IREB2: variants seen among roughly 807,000 people sequenced by gnomAD.
The protein encoded by IREB2 is iron responsive element binding protein 2.
Under a neutral mutation model 118.8 loss-of-function variants are expected in IREB2, and 39 were observed. The ratio of observed to expected loss-of-function variants is 0.33; its 90% CI spans 0.25 to 0.43. IREB2 has a LOEUF of 0.43. Among genes scored for constraint, IREB2 ranks in the 20% least tolerant of loss-of-function variants. IREB2 has a pLI of 1.00. For synonymous variants in IREB2, 372 were observed against 392.2 expected (o/e 0.95, Z 0.61); for missense variants, 900 against 1,147.3 (o/e 0.78, Z 3.11).
At chr15:78,490,357 A>G (rs113255945) in intron 16 of IREB2, 65 bp from the exon 17 acceptor site, 2 of 990,664 alleles carry the variant, frequency 2.0e-6, no homozygotes, top group Non-Finnish European at 3.1e-6. Context: ...GATCATTTTC[A>G]TGCGCCTCTT....
intron 20 of IREB2, 24 bp from the exon 21 acceptor site, chr15:78,497,102 G>T (rs766787066): frequency 1.3e-6 from 2 of 1,580,512 alleles, no homozygotes; most frequent in Non-Finnish European, 1.7e-6. Flanking sequence ...TGATTAGAGG[G>T]AATAAAATGC....
chr15:78,495,465 C>G (rs1752106805), intron 20 of IREB2, among the ~76,000 whole-genome samples: 1 of 152,032 alleles, frequency 6.6e-6, no homozygotes, highest in South Asian at 2.1e-4. Flanking sequence ...GTTACTGGGC[C>G]TTACTATAGG....
chr15:78,457,810 A>C (rs143287315), intron 2 of IREB2, among the ~76,000 whole-genome samples: 28 of 152,232 alleles, frequency 1.8e-4, no homozygotes, highest in Non-Finnish European at 3.2e-4. Context: ...TTGTTTTTCC[A>C]TAATAATTAT....
chr15:78,463,044 G>C lies in IREB2; in HGVS notation c.229G>C (p.Glu77Gln). The change falls in exon 3 of 22, where the codon GAA becomes CAA. Residue 77 changes from glutamate to glutamine, a missense_variant. Coordinates refer to ENST00000258886, the MANE Select transcript of IREB2 (RefSeq NM_004136.4). Reference sequence around the variant, plus strand: ...CTGGAAAACCAAACAAAGCAATGTTGAAGTGCCCTTTTTCCCTGCCCGTGT... The same window carrying C: ...CTGGAAAACCAAACAAAGCAATGTTCAAGTGCCCTTTTTCCCTGCCCGTGT... Reference protein sequence around the residue: ...LDWKTKQSNVEVPFFPARVLL... With the variant: ...LDWKTKQSNVQVPFFPARVLL... The C allele has an allele frequency of 6.2e-7, 1 of 1,609,822 alleles. No homozygotes were observed. The highest frequency in any genetic ancestry group is 8.5e-7 in the Non-Finnish European group (1 of 1,178,982).
rs555227502 is a variant in IREB2 at position 78,496,890 on chromosome 15, G to T, written c.2596-236G>T. Among the ~76,000 whole-genome samples, 21 of 152,284 alleles carry T rather than the reference G, an allele frequency of 1.4e-4. 1 individual carries two copies. The highest frequency in any genetic ancestry group is 2.4e-4 in the Non-Finnish European group (16 of 68,028). ...TCTTATGATGTGGTAGGCAGCGGCA[G>T]TACTTAACCCTAGAGCAGCAGAAAG... is the stretch of plus-strand genomic sequence containing the variant. On this transcript the variant is annotated intron_variant, in intron 20 of 21. Coordinates refer to ENST00000258886, the MANE Select transcript of IREB2 (RefSeq NM_004136.4).
chr15:78,490,869 G>T, intron 18 of IREB2, 108 bp downstream of exon 18: 15 of 959,486 alleles, frequency 1.6e-5, no homozygotes, highest in African/African-American at 3.3e-5. Context: ...GCTATCGTAG[G>T]TAATCTGACT....
Position 78,499,348 on chromosome 15 carries a change from A to C in IREB2, c.*1205A>C, listed in dbSNP as rs2051898409. On this transcript the variant is annotated 3_prime_UTR_variant, in exon 22 of 22. Coordinates refer to ENST00000258886, the MANE Select transcript of IREB2 (RefSeq NM_004136.4). ...TTTTTTTAAAAAGGTTGGAAAATTA[A>C]TTATAGAAGGTTCTATACTGTTTTT... 6.6e-6 allele frequency: 1 copy of C among 152,204 alleles called. No individual in the cohort carries two copies. The highest frequency in any genetic ancestry group is 2.4e-5 in the African/African-American group (1 of 41,450). 9.4% of individuals were successfully genotyped at this position (152,204 alleles called of 1,614,324 possible). A position where few individuals can be genotyped will look rare whatever the true frequency, so the allele number is the denominator to read the frequency against.
rs1387620831 is a variant in IREB2 at position 78,501,421 on chromosome 15, A to T, written c.*3278A>T. The T allele has an allele frequency of 6.6e-6, 1 of 152,632 alleles. No individual in the cohort carries two copies. Among genetic ancestry groups the T allele is most frequent in the African/African-American group, 2.4e-5 (1 of 41,452 alleles). 9.5% of individuals were successfully genotyped at this position (152,632 alleles called of 1,614,324 possible). On this transcript the variant is annotated 3_prime_UTR_variant, in exon 22 of 22. Transcript: ENST00000258886. ...TGTGTATATGTTACTGATGCTGTAAATTATTTTTAATAAAGAAAATTGTAT... is the reference window on the plus strand; with the variant it reads ...TGTGTATATGTTACTGATGCTGTAATTTATTTTTAATAAAGAAAATTGTAT...
At chr15:78,439,381 C>G (rs992806101) in intron 1 of IREB2, among the ~76,000 whole-genome samples, 1 of 151,724 alleles carries the variant, frequency 6.6e-6, no homozygotes, top group African/African-American at 2.4e-5. Flanking sequence ...AAATTCCTGT[C>G]TCTGCAGTTT....
rs1230576338 is a variant in IREB2, at chr15:78,438,273, C to T, written c.-65C>T. ...CCGCCTGTCTTCCTCCCCGTCTTCC[C>T]TGCCCGGCCTCCCCCTTCTTCCCCC... On this transcript the variant is annotated 5_prime_UTR_variant, in exon 1 of 22. Transcript: ENST00000258886. The T allele has an allele frequency of 1.2e-5, 16 of 1,317,808 alleles. No individual in the cohort carries two copies. The highest frequency in any genetic ancestry group is 1.8e-4 in the Middle Eastern group (1 of 5,532). 81.6% of individuals were successfully genotyped at this position (1,317,808 alleles called of 1,614,324 possible).
chr15:78,471,503 A>G (rs2051376553), intron 6 of IREB2, among the ~76,000 whole-genome samples: 1 of 152,218 alleles, frequency 6.6e-6, no homozygotes, highest in Non-Finnish European at 1.5e-5. Context: ...ACGCAGTTGA[A>G]TACTGCCATT....
Position 78,490,496 on chromosome 15 carries a change from T to C in IREB2, c.2151T>C (p.Tyr717=), listed in dbSNP as rs776384560. The C allele has an allele frequency of 2.2e-5, 35 of 1,608,208 alleles. No individual in the cohort carries two copies. Among genetic ancestry groups the C allele is most frequent in the Non-Finnish European group, 2.9e-5 (34 of 1,178,312 alleles). The change falls in exon 17 of 22, where the codon TAT becomes TAC. Residue 717 remains tyrosine (Y), a synonymous_variant. Coordinates refer to ENST00000258886, the MANE Select transcript of IREB2 (RefSeq NM_004136.4). ...VLFPWDLKST[Y]IRCPSFFDKL... ...TTCCATGGGACTTAAAGTCTACTTA[T>C]ATCAGATGCCCTTCATTTTTTGATA...
chr15:78,490,634 G>A lies in IREB2; in HGVS notation c.2197G>A (p.Ala733Thr), dbSNP rs112673143. Reference protein sequence around the residue: ...FFDKLTKEPIALQAIENAHVL... With the variant: ...FFDKLTKEPITLQAIENAHVL... ...TACCTTCTAGACCAAAGAGCCAATT[G>A]CACTCCAGGCTATTGAAAATGCCCA... The change falls in exon 18 of 22, where the codon GCA becomes ACA. Residue 733 changes from alanine (A) to threonine (T), a missense_variant. Physicochemically the swap from Ala to Thr is moderately conservative, Grantham distance 58 (BLOSUM62 0). Coordinates refer to ENST00000258886, the MANE Select transcript of IREB2 (RefSeq NM_004136.4). 1.9e-6 allele frequency: 3 copies of A among 1,614,066 alleles called. No individual in the cohort carries two copies. The highest frequency in any genetic ancestry group is 2.5e-6 in the Non-Finnish European group (3 of 1,179,994).
rs1456943463 is a variant in IREB2 at position 78,458,500 on chromosome 15, TCCTCACCTCAAATGATCCTCCAG to T, written c.107-4412_107-4390del. Among the ~76,000 whole-genome samples the T allele has an allele frequency of 2.0e-5, 3 of 152,130 alleles. No homozygotes were observed. In the East Asian group the frequency reaches 5.8e-4, roughly 29 times the overall value. On this transcript the variant is annotated intron_variant, in intron 2 of 21. Transcript: ENST00000258886. ...TATGTTGGCCAGGCTAGTCTCAAAC[TCCTCACCTCAAATGATCCTCCAG>T]CCTCACCTCCCAAAGTGCTAGGATT...
intron 2 of IREB2, among the ~76,000 whole-genome samples, chr15:78,462,474 C>G (rs1382897818): frequency 1.3e-5 from 2 of 152,162 alleles, no homozygotes; most frequent in Admixed American, 1.3e-4. Context: ...TACTTTTAAA[C>G]TTTAATCATT....
At chr15:78,469,016 A>T (rs1030029196) in intron 5 of IREB2, among the ~76,000 whole-genome samples, 1 of 152,176 alleles carries the variant, frequency 6.6e-6, no homozygotes, top group East Asian at 1.9e-4. Flanking sequence ...GCTTAGTGCT[A>T]TATTTTTATT....
intron 6 of IREB2, 40 bp downstream of exon 6, chr15:78,470,641 A>G: frequency 1.0e-6 from 1 of 992,224 alleles, no homozygotes; most frequent in Middle Eastern, 2.6e-4. Context: ...TGTAATATAT[A>G]AACTAATGAT....
chr15:78,494,163 G>C lies in IREB2; in HGVS notation c.2494G>C (p.Glu832Gln), dbSNP rs1370259783. 6.2e-7 allele frequency: 1 copy of C among 1,613,916 alleles called. No homozygotes were observed. Among genetic ancestry groups the C allele is most frequent in the African/African-American group, 1.3e-5 (1 of 74,912 alleles). ...GQTLDVFEAA[E>Q]LYQKEGIPLI... Reference sequence around the variant, plus strand: ...ACAGCTAGATGTATTTGAGGCTGCAGAGCTGTACCAGAAAGAAGGTATCCC... The same window carrying C: ...ACAGCTAGATGTATTTGAGGCTGCACAGCTGTACCAGAAAGAAGGTATCCC... The change falls in exon 20 of 22, where the codon GAG becomes CAG. Residue 832 changes from glutamate to glutamine, a missense_variant. Coordinates refer to ENST00000258886, the MANE Select transcript of IREB2 (RefSeq NM_004136.4).
At chr15:78,472,246 A>G (rs1195676468) in intron 7 of IREB2, among the ~76,000 whole-genome samples, 3 of 152,222 alleles carry the variant, frequency 2.0e-5, no homozygotes, top group Non-Finnish European at 4.4e-5. Flanking sequence ...GGTCTTCTTT[A>G]TAAGTCCAGA....
Sources: allele counts gnomAD v4.1 joint callset (sites outside exome capture counted in the v4.1 genomes callset), GRCh38; gene constraint gnomAD v4.1.1; transcripts MANE v1.5; gene names NCBI Gene and HGNC (gene_info 2026-07-23, HGNC 2026-07-21).